The following NAALADL2 variants were observed in gnomAD, a reference collection of about 807,000 sequenced individuals.
NAALADL2 encodes inactive N-acetylated-alpha-linked acidic dipeptidase-like protein 2.
Under a neutral mutation model 87.2 loss-of-function variants are expected in NAALADL2, and 76 were observed. The ratio of observed to expected loss-of-function variants is 0.87; its 90% CI spans 0.72 to 1.05. The LOEUF is 1.05. Ranked by LOEUF, NAALADL2 falls within the 50% of genes least tolerant of loss-of-function variation. The probability of loss-of-function intolerance (pLI) is 0.00; values close to 1 mark genes in which losing one functional copy is unlikely to be tolerated. For missense variants in NAALADL2, 1,089 were observed against 945.8 expected, an observed-to-expected ratio of 1.15 and a Z score of -1.99; for synonymous variants, 354 against 331.0, an observed-to-expected ratio of 1.07 and a Z score of -0.75.
chr3:175,802,028 A>G (rs973794478), intron 13 of NAALADL2, among the ~76,000 whole-genome samples: 9 of 152,096 alleles, frequency 5.9e-5, no homozygotes, highest in African/African-American at 2.2e-4. Flanking sequence ...TTATTAACTA[A>G]TGGTCAACTG....
intron 2 of NAALADL2, among the ~76,000 whole-genome samples, chr3:174,606,726 A>T (rs1319806280): frequency 2.6e-5 from 4 of 152,210 alleles, no homozygotes; most frequent in African/African-American, 9.6e-5. Context: ...GGAGAATGGA[A>T]CCAAGTTGGA....
chr3:175,228,792 AT>A (rs916561638), intron 2 of NAALADL2, among the ~76,000 whole-genome samples: 1 of 151,888 alleles, frequency 6.6e-6, no homozygotes, highest in African/African-American at 2.4e-5. Flanking sequence ...TTGCTATCTC[AT>A]TTTGTGAGAT....
intron 11 of NAALADL2, among the ~76,000 whole-genome samples, chr3:175,654,448 T>C (rs762856898): frequency 2.0e-5 from 3 of 152,214 alleles, no homozygotes; most frequent in Non-Finnish European, 4.4e-5. Flanking sequence ...TTTGCTGGCA[T>C]CAAATTCTCC....
At chr3:174,777,885 G>A (rs1715413135) in intron 3 of NAALADL2, among the ~76,000 whole-genome samples, 1 of 151,954 alleles carries the variant, frequency 6.6e-6, no homozygotes, top group South Asian at 2.1e-4. Context: ...TGAAAAGTTG[G>A]CTGGCAACTA....
chr3:174,873,347 C>T (rs978770340), intron 1 of NAALADL2, among the ~76,000 whole-genome samples: 11 of 151,902 alleles, frequency 7.2e-5, no homozygotes, highest in African/African-American at 7.3e-5. Flanking sequence ...CTCCGCCTCC[C>T]GGGTTCAAGT....
intron 5 of NAALADL2, among the ~76,000 whole-genome samples, chr3:175,380,567 C>G (rs1767670295): frequency 6.6e-6 from 1 of 152,074 alleles, no homozygotes; most frequent in Non-Finnish European, 1.5e-5. Context: ...AATTAAGTAT[C>G]CTTATGAAAA....
intron 2 of NAALADL2, among the ~76,000 whole-genome samples, chr3:174,617,516 G>A (rs1196783689): frequency 6.6e-6 from 1 of 151,590 alleles, no homozygotes; most frequent in Admixed American, 6.6e-5. Context: ...TATATTGCAT[G>A]GGATTGATTT....
At chr3:175,671,956 T>C (rs1311770696) in intron 11 of NAALADL2, among the ~76,000 whole-genome samples, 1 of 152,070 alleles carries the variant, frequency 6.6e-6, no homozygotes, top group Non-Finnish European at 1.5e-5. Flanking sequence ...CTAATACAAT[T>C]ATGTTGTATT....
chr3:175,580,878 G>A (rs1560794082), intron 10 of NAALADL2, among the ~76,000 whole-genome samples: 2 of 151,948 alleles, frequency 1.3e-5, no homozygotes, highest in African/African-American at 4.8e-5. Context: ...ACCCTCAAAA[G>A]TACCAAAGAT....
At chr3:174,645,152 G>A (rs949895263) in intron 2 of NAALADL2, among the ~76,000 whole-genome samples, 7 of 152,112 alleles carry the variant, frequency 4.6e-5, no homozygotes, top group Non-Finnish European at 5.9e-5. Context: ...CTCCAACTTC[G>A]GGTAGCAGGC....
chr3:175,667,343 C>T (rs1344931463), intron 11 of NAALADL2, among the ~76,000 whole-genome samples: 1 of 151,966 alleles, frequency 6.6e-6, no homozygotes, highest in Non-Finnish European at 1.5e-5. Flanking sequence ...CAAAATTGAC[C>T]TCAGCTCAGA....
chr3:174,749,061 T>C (rs577756965), intron 3 of NAALADL2, among the ~76,000 whole-genome samples: 2 of 152,304 alleles, frequency 1.3e-5, no homozygotes, highest in South Asian at 4.1e-4. Context: ...CTTGCCTGTT[T>C]CAGCCAGGAC....
chr3:174,837,626 T>C (rs1286504106), intron 3 of NAALADL2, among the ~76,000 whole-genome samples: 1 of 152,018 alleles, frequency 6.6e-6, no homozygotes, highest in Non-Finnish European at 1.5e-5. Flanking sequence ...AAACCCCATC[T>C]CTACTAAAAA....
chr3:175,736,013 C>G (rs568570780), intron 11 of NAALADL2, among the ~76,000 whole-genome samples: 3 of 152,234 alleles, frequency 2.0e-5, no homozygotes, highest in Non-Finnish European at 2.9e-5. Flanking sequence ...CTGTGTGCTG[C>G]CTTCAGGGTT....
chr3:175,052,949 C>T (rs747628647), intron 1 of NAALADL2, among the ~76,000 whole-genome samples: 8 of 152,128 alleles, frequency 5.3e-5, no homozygotes, highest in South Asian at 2.1e-4. Context: ...GCATGCAAAC[C>T]GAGAGGTGCA....
rs62287272 is a variant in NAALADL2, at chr3:175,795,552, G to A, written c.2190-7453G>A. 9.2e-5 allele frequency among the ~76,000 whole-genome samples: 14 copies of A among 151,746 alleles called. No homozygotes were observed. The East Asian group carries it at 9.8e-4, about 11-fold the overall frequency. ...AAAAAAATTAGCTGGGCGTGGTGGC[G>A]GGTGCCTGTAGTCCCAGCTACTCAA... On this transcript the variant is annotated intron_variant, in intron 13 of 13. Transcript: ENST00000454872.
intron 11 of NAALADL2, among the ~76,000 whole-genome samples, chr3:175,670,029 C>CTGAA (rs1294584390): frequency 1.3e-5 from 2 of 151,922 alleles, no homozygotes; most frequent in Admixed American, 6.6e-5. Context: ...GTAGAGCTTA[C>CTGAA]TGAATATCAG....
At chr3:175,550,592 A>T (rs549516034) in intron 9 of NAALADL2, among the ~76,000 whole-genome samples, 1 of 152,326 alleles carries the variant, frequency 6.6e-6, no homozygotes, top group Admixed American at 6.5e-5. Context: ...GAAAGCGGTG[A>T]TTATAGATTC....
chr3:175,327,645 G>C (rs1273950101), intron 5 of NAALADL2, among the ~76,000 whole-genome samples: 6 of 152,150 alleles, frequency 3.9e-5, no homozygotes, highest in Non-Finnish European at 7.4e-5. Context: ...CAAGAAACGT[G>C]TAGAGAAGTA....
Sources: gnomAD v4.1 joint callset for allele counts (sites outside exome capture counted in the v4.1 genomes callset) on GRCh38, gnomAD v4.1.1 for gene constraint, MANE v1.5 for transcripts, NCBI Gene and HGNC (gene_info 2026-07-23, HGNC 2026-07-21) for gene names.